The following ZNF395 variants were observed in gnomAD, a reference collection of about 807,000 sequenced individuals.
ZNF395 encodes zinc finger protein 395.
ZNF395 carries 20 observed loss-of-function variants against 57.7 expected under a neutral mutation model. The ratio of observed to expected loss-of-function variants is 0.35; its 90% CI spans 0.24 to 0.50. The LOEUF (loss-of-function observed/expected upper bound fraction) is 0.50. Ranked by LOEUF, ZNF395 falls within the 20% of genes least tolerant of loss-of-function variation. The pLI is 0.97. For missense variants in ZNF395, 606 were observed against 671.2 expected, an observed-to-expected ratio of 0.90 and a Z score of 1.07; for synonymous variants, 295 against 275.9, an observed-to-expected ratio of 1.07 and a Z score of -0.69.
chr8:28,379,463 G>A (rs1017683752), intron 1 of ZNF395, among the ~76,000 whole-genome samples: 1 of 152,180 alleles, frequency 6.6e-6, no homozygotes, highest in East Asian at 1.9e-4. Context: ...CCAGGAGTTC[G>A]AATCCAGCCA....
At chr8:28,383,878 C>T (rs1802139772) in intron 1 of ZNF395, among the ~76,000 whole-genome samples, 1 of 152,170 alleles carries the variant, frequency 6.6e-6, no homozygotes, top group African/African-American at 2.4e-5. Context: ...TCTCTATAGC[C>T]TGAGTAGCCA....
intron 1 of ZNF395, among the ~76,000 whole-genome samples, chr8:28,384,539 T>C (rs1460301870): frequency 1.3e-5 from 2 of 152,180 alleles, no homozygotes; most frequent in African/African-American, 4.8e-5. Context: ...CTGTCCCCTC[T>C]ATGAGGGCAG....
chr8:28,355,444 ATT>A (rs11292657), intron 4 of ZNF395, among the ~76,000 whole-genome samples: 254 of 143,564 alleles, frequency 1.8e-3, no homozygotes, highest in African/African-American at 5.9e-3. Flanking sequence ...TTAATAGACA[ATT>A]TTTTTTTTTT....
At chr8:28,348,873 T>C in intron 9 of ZNF395, 43 bp from the exon 10 acceptor site, 3 of 1,599,178 alleles carry the variant, frequency 1.9e-6, no homozygotes, top group Non-Finnish European at 2.6e-6. Context: ...ACACAGGTGG[T>C]GGGCCCAGGA....
chr8:28,363,230 CA>C (rs1397035853), intron 1 of ZNF395, among the ~76,000 whole-genome samples: 2 of 151,432 alleles, frequency 1.3e-5, no homozygotes, highest in Non-Finnish European at 2.9e-5. Context: ...CTCCTGGGTT[CA>C]AGCAATTCTC....
rs574747740 is a variant in ZNF395 at position 28,363,472 on chromosome 8, C to T, written c.-58-2290G>A. Among the ~76,000 whole-genome samples the T allele has an allele frequency of 7.9e-5, 12 of 152,194 alleles. No individual in the cohort carries two copies. The South Asian group carries it at 2.1e-3, about 26-fold the overall frequency. On this transcript the variant is annotated intron_variant, in intron 1 of 9. Coordinates refer to ENST00000344423, the MANE Select transcript of ZNF395 (RefSeq NM_018660.3). ...TAAAACACTGTCACCTACATACCTT[C>T]GTCTTTGGAGCCTCAGGCTAAAATG...
At chr8:28,374,398 G>A (rs1372117728) in intron 1 of ZNF395, among the ~76,000 whole-genome samples, 1 of 152,192 alleles carries the variant, frequency 6.6e-6, no homozygotes, top group Non-Finnish European at 1.5e-5. Flanking sequence ...TCTGATTGCT[G>A]CAGAAGTTTT....
intron 1 of ZNF395, among the ~76,000 whole-genome samples, chr8:28,377,704 T>C (rs1162336713): frequency 6.6e-6 from 1 of 151,128 alleles, no homozygotes; most frequent in East Asian, 1.9e-4. Context: ...CAGCCCCCTC[T>C]TGATTTAGTC....
intron 1 of ZNF395, among the ~76,000 whole-genome samples, chr8:28,375,742 A>G (rs1802033027): frequency 6.6e-6 from 1 of 152,202 alleles, no homozygotes; most frequent in African/African-American, 2.4e-5. Context: ...TACCATGGCG[A>G]CAGTCACCAT....
chr8:28,356,526 C>T lies in ZNF395; in HGVS notation c.583+144G>A, dbSNP rs1801781026. 8.3e-6 allele frequency: 5 copies of T among 601,670 alleles called. No individual in the cohort carries two copies. The highest frequency in any genetic ancestry group is 5.8e-5 in the East Asian group (2 of 34,436). The allele number at this position is 601,670 out of a possible 1,614,324, so 37.3% of individuals were successfully genotyped here. ...CGGAAGCATCTAACTCCATGGCATG[C>T]AGCCGGTCAGAGGTGCCAGTGGGAG... On this transcript the variant is annotated intron_variant, in intron 4 of 9. Transcript: ENST00000344423. The surrounding 1 kb of genome is among the most constrained non-coding windows in gnomAD (Gnocchi z 4.0).
intron 8 of ZNF395, among the ~76,000 whole-genome samples, chr8:28,349,566 A>G (rs1006838431): frequency 3.3e-5 from 5 of 152,144 alleles, no homozygotes; most frequent in African/African-American, 1.2e-4. Flanking sequence ...ACAGTGTGAC[A>G]CCGCCCTGCA....
chr8:28,353,048 C>A (rs764458573), intron 5 of ZNF395, 125 bp downstream of exon 5: 151 of 835,458 alleles, frequency 1.8e-4, no homozygotes, highest in Non-Finnish European at 2.8e-4. Flanking sequence ...CAATAAAAAA[C>A]CGAAATGGGA....
At position 28,359,539 on chromosome 8, in the gene ZNF395, A is replaced by ACACCACACTACCC. The variant is rs1563338445; in HGVS notation, c.473+40_473+52dup. 1 of 1,538,090 alleles carries ACACCACACTACCC rather than the reference A, an allele frequency of 6.5e-7. No individual in the cohort carries two copies. The highest frequency in any genetic ancestry group is 1.3e-5 in the South Asian group (1 of 78,734). On this transcript the variant is annotated intron_variant, in intron 3 of 9. Coordinates refer to ENST00000344423, the MANE Select transcript of ZNF395 (RefSeq NM_018660.3). This position sits in a 1 kb window ranked among gnomAD's most constrained non-coding sequence, Gnocchi z 4.7. ...CCACCACAACACAGCCCACACCCTTACACCACACTACCCACGTGACTTTTA... is the reference window on the plus strand; with the variant it reads ...CCACCACAACACAGCCCACACCCTTACACCACACTACCCCACCACACTACCCACGTGACTTTTA...
intron 3 of ZNF395, among the ~76,000 whole-genome samples, chr8:28,357,862 A>G (rs1247888565): frequency 2.0e-5 from 3 of 152,194 alleles, no homozygotes; most frequent in Non-Finnish European, 2.9e-5. Context: ...TCTTGTATAT[A>G]AGACAATTTC....
intron 1 of ZNF395, among the ~76,000 whole-genome samples, chr8:28,377,633 G>A (rs1802057031): frequency 6.6e-6 from 1 of 151,818 alleles, no homozygotes; most frequent in African/African-American, 2.4e-5. Flanking sequence ...GGAAGTGGGA[G>A]GAGACATTCA....
At chr8:28,355,371 GA>G (rs1180509472) in intron 4 of ZNF395, among the ~76,000 whole-genome samples, 2 of 151,740 alleles carry the variant, frequency 1.3e-5, no homozygotes, top group African/African-American at 4.8e-5. Flanking sequence ...TTAGGCCAAG[GA>G]AGCCTTATAT....
chr8:28,367,078 C>T (rs1262569173), intron 1 of ZNF395, among the ~76,000 whole-genome samples: 3 of 152,162 alleles, frequency 2.0e-5, no homozygotes, highest in Non-Finnish European at 4.4e-5. Flanking sequence ...TTCAAGTTCT[C>T]AATCAGCTGG....
chr8:28,379,234 C>A (rs1369425060), intron 1 of ZNF395, among the ~76,000 whole-genome samples: 1 of 152,242 alleles, frequency 6.6e-6, no homozygotes, highest in Non-Finnish European at 1.5e-5. Context: ...ATCAAGTCTT[C>A]TTGCTCATAT....
chr8:28,347,889 G>C lies in ZNF395; in HGVS notation c.*830C>G, dbSNP rs1285892321. Reference sequence around the variant, plus strand: ...CAGGAGGGTGCTTCCTCGGGTCAGAGCAGAGAGTTTCCAGACGCTCAAACC... The same window carrying C: ...CAGGAGGGTGCTTCCTCGGGTCAGACCAGAGAGTTTCCAGACGCTCAAACC... On this transcript the variant is annotated 3_prime_UTR_variant, in exon 10 of 10. Coordinates refer to ENST00000344423, the MANE Select transcript of ZNF395 (RefSeq NM_018660.3). The C allele has an allele frequency of 6.6e-6, 1 of 152,224 alleles. No individual in the cohort carries two copies. Among genetic ancestry groups the C allele is most frequent in the Non-Finnish European group, 1.5e-5 (1 of 68,050 alleles). The allele number at this position is 152,224 out of a possible 1,614,324, so 9.4% of individuals were successfully genotyped here.
Sources: allele counts gnomAD v4.1 joint callset (sites outside exome capture counted in the v4.1 genomes callset), GRCh38; gene constraint gnomAD v4.1.1; non-coding constraint Gnocchi (gnomAD v3.1); transcripts MANE v1.5; gene names NCBI Gene and HGNC (gene_info 2026-07-23, HGNC 2026-07-21).